The following OR51B5 variants were observed in gnomAD, a reference collection of about 807,000 sequenced individuals.
OR51B5 encodes the protein olfactory receptor family 51 subfamily B member 5.
For missense variants in OR51B5, 456 were observed against 374.6 expected (o/e 1.22, Z -1.79); for synonymous variants, 186 against 144.8 (o/e 1.28, Z -2.04).
At chr11:5,458,328 T>A (rs1422858904) in intron 1 of OR51B5, among the ~76,000 whole-genome samples, 4 of 152,098 alleles carry the variant, frequency 2.6e-5, no homozygotes, top group Non-Finnish European at 4.4e-5. Flanking sequence ...TTTGTCTATT[T>A]GTACCAGTAA....
rs766013139 is a variant in OR51B5 at position 5,441,430 on chromosome 11, C to G, written n.84+64139G>C. 30 of 1,613,864 alleles carry G rather than the reference C, an allele frequency of 1.9e-5. No individual in the cohort carries two copies. Among genetic ancestry groups the G allele is most frequent in the Non-Finnish European group, 2.1e-5 (25 of 1,179,876 alleles). ...TAGAGGATGCAGAAAATCAGGGCAA[C>G]CCAGGTGAGGCCTGTTTGTATCCCA... is the stretch of plus-strand genomic sequence containing the variant. On this transcript the variant is annotated intron_variant and non_coding_transcript_variant, in intron 1 of 4. Coordinates refer to the OR51B5 transcript ENST00000415970.
chr11:5,360,006 C>A (rs571982287), intron 1 of OR51B5, among the ~76,000 whole-genome samples: 17 of 152,238 alleles, frequency 1.1e-4, no homozygotes, highest in East Asian at 1.9e-4. Context: ...AGATGGATTA[C>A]AGACTTAAAT....
chr11:5,422,159 C>T (rs751542221), intron 1 of OR51B5: 4 of 1,392,722 alleles, frequency 2.9e-6, no homozygotes, highest in Non-Finnish European at 4.0e-6. Flanking sequence ...TTCTTTTTCT[C>T]CCTGAGTGAA....
At chr11:5,422,469 A>G in intron 1 of OR51B5, 2 of 1,614,078 alleles carry the variant, frequency 1.2e-6, no homozygotes, top group South Asian at 1.1e-5. Context: ...CTCTGGTTCA[A>G]CGTTCGTAGA....
intron 1 of OR51B5, among the ~76,000 whole-genome samples, chr11:5,442,308 C>A (rs1498488): frequency 0.49 from 73,742 of 152,014 alleles, 19,417 homozygotes; most frequent in Non-Finnish European, 0.59. Context: ...TATTACTTAA[C>A]CATTACCAAA....
chr11:5,404,817 T>C (rs12284019), intron 1 of OR51B5, among the ~76,000 whole-genome samples: 24,553 of 152,070 alleles, frequency 0.16, 2,462 homozygotes, highest in African/African-American at 0.29. Context: ...AGATGCACCA[T>C]CTTTAAGAGC....
intron 1 of OR51B5, chr11:5,431,036 G>T (rs1172005424): frequency 2.2e-6 from 1 of 456,854 alleles, no homozygotes; most frequent in Non-Finnish European, 4.4e-6. Context: ...TCTGCACAAG[G>T]CAGCTGGATC....
chr11:5,441,878 A>G (rs141927875), intron 1 of OR51B5, among the ~76,000 whole-genome samples: 1 of 152,198 alleles, frequency 6.6e-6, no homozygotes, highest in Non-Finnish European at 1.5e-5. Context: ...TAGATGGAAC[A>G]TCTACTACTA....
chr11:5,425,780 T>C (rs1329938977), intron 1 of OR51B5, among the ~76,000 whole-genome samples: 1 of 152,210 alleles, frequency 6.6e-6, no homozygotes, highest in Non-Finnish European at 1.5e-5. Flanking sequence ...AAGTTAGCTA[T>C]TTAAGAGGAC....
At chr11:5,363,446 CAT>C (rs1350885112) in intron 1 of OR51B5, among the ~76,000 whole-genome samples, 3 of 126,190 alleles carry the variant, frequency 2.4e-5, no homozygotes, top group African/African-American at 8.9e-5. Flanking sequence ...TCTTGACACA[CAT>C]ACACACACAC....
At chr11:5,448,120 A>C (rs941923882) in intron 1 of OR51B5, among the ~76,000 whole-genome samples, 16 of 152,210 alleles carry the variant, frequency 1.1e-4, no homozygotes, top group African/African-American at 3.9e-4. Flanking sequence ...CTACAATGAT[A>C]CCTTCATATT....
intron 1 of OR51B5, chr11:5,456,233 G>A (rs1482137601): frequency 6.6e-6 from 1 of 152,140 alleles, no homozygotes; most frequent in African/African-American, 2.4e-5. Context: ...CAAGGAACAA[G>A]AAAATATGAG....
upstream of OR51B5, among the ~76,000 whole-genome samples, chr11:5,344,919 A>C (rs1419824175): frequency 1.3e-5 from 2 of 152,224 alleles, no homozygotes; most frequent in Admixed American, 6.5e-5. Flanking sequence ...TGAGGGGCCT[A>C]GAACTGCACC....
At chr11:5,411,462 G>T (rs1310735238) in intron 1 of OR51B5, among the ~76,000 whole-genome samples, 2 of 116,150 alleles carry the variant, frequency 1.7e-5, no homozygotes, top group East Asian at 5.3e-4. Context: ...ACATACCCCT[G>T]TTGCTAAGTG....
At chr11:5,474,631 A>G (rs1851277944) in intron 1 of OR51B5, among the ~76,000 whole-genome samples, 1 of 152,186 alleles carries the variant, frequency 6.6e-6, no homozygotes, top group Middle Eastern at 3.2e-3. Context: ...CTCCCCAGGT[A>G]GTGTTTACTA....
chr11:5,475,542 C>G (rs557445718), intron 1 of OR51B5, among the ~76,000 whole-genome samples: 173 of 152,276 alleles, frequency 1.1e-3, no homozygotes, highest in African/African-American at 4.0e-3. Flanking sequence ...ATGGATCCCC[C>G]TAACCCCTTA....
chr11:5,434,958 T>TTTTCCAGGCAGAGAAAAAGACTGAA (rs1190422198), intron 1 of OR51B5, among the ~76,000 whole-genome samples: 33 of 152,184 alleles, frequency 2.2e-4, no homozygotes, highest in Admixed American at 1.2e-3. Context: ...TTATCTTTAT[T>TTTTCCAGGCAGAGAAAAAGACTGAA]TTTCCAGGCA....
At chr11:5,343,209 A>G (rs1176050342) in exon 1 of OR51B5, 8 of 1,613,814 alleles carry the variant, frequency 5.0e-6, no homozygotes, top group South Asian at 4.4e-5. Flanking sequence ...TCGAGAAAGG[A>G]AAGTGAGTGT....
At chr11:5,461,093 T>TG (rs1160380107) in intron 1 of OR51B5, among the ~76,000 whole-genome samples, 1 of 151,872 alleles carries the variant, frequency 6.6e-6, no homozygotes, top group Admixed American at 6.5e-5. Flanking sequence ...TGGCTGCAGC[T>TG]GGGGGGCTGC....
Sources: gnomAD v4.1 joint callset for allele counts (sites outside exome capture counted in the v4.1 genomes callset) on GRCh38, gnomAD v4.1.1 for gene constraint, MANE v1.5 for transcripts, NCBI Gene and HGNC (gene_info 2026-07-23, HGNC 2026-07-21) for gene names.